Variants in PCDHGB5 observed in about 807,000 individuals in gnomAD.
The protein encoded by PCDHGB5 is protocadherin gamma subfamily B, 5, also known as protocadherin gamma-B5.
Under a neutral mutation model 62.9 loss-of-function variants are expected in PCDHGB5, and 48 were observed. The observed-to-expected ratio is 0.76, with a 90% CI of 0.61 to 0.97. PCDHGB5 has a LOEUF of 0.97. Ranked by LOEUF, PCDHGB5 falls within the 50% of genes least tolerant of loss-of-function variation. The pLI, the probability that PCDHGB5 is intolerant of heterozygous loss-of-function variation, is 0.00. For synonymous variants in PCDHGB5, 474 were observed against 511.2 expected, an observed-to-expected ratio of 0.93 and a Z score of 0.98; for missense variants, 1,118 against 1,198.6, an observed-to-expected ratio of 0.93 and a Z score of 0.99.
chr5:141,445,134 A>G lies in PCDHGB5; in HGVS notation c.2397+44610A>G, dbSNP rs900226020. ...TTGTAAATAGTATTTTTAAAATTGT[A>G]TCTTCTAATTGTTCATTTCTAGTTT... On this transcript the variant is annotated intron_variant, in intron 1 of 3. Transcript: ENST00000617380. Among the ~76,000 whole-genome samples, 174 of 152,316 alleles carry G rather than the reference A, an allele frequency of 1.1e-3. 4 individuals carry two copies. The highest frequency in any genetic ancestry group is 5.3e-4 in the Non-Finnish European group (36 of 68,016).
At chr5:141,454,047 T>C (rs896373946) in intron 1 of PCDHGB5, among the ~76,000 whole-genome samples, 6 of 152,122 alleles carry the variant, frequency 3.9e-5, no homozygotes, top group African/African-American at 7.2e-5. Flanking sequence ...AAGATAAAAG[T>C]GCAGCAAAGA....
At position 141,431,783 on chromosome 5, in the gene PCDHGB5, G is replaced by T; in HGVS notation, c.2397+31259G>T. 2 of 1,614,174 alleles carry T rather than the reference G, an allele frequency of 1.2e-6. No homozygotes were observed. Among genetic ancestry groups the T allele is most frequent in the East Asian group, 2.2e-5 (1 of 44,878 alleles). On this transcript the variant is annotated intron_variant, in intron 1 of 3. Transcript: ENST00000617380. The surrounding 1 kb of genome is among the most constrained non-coding windows in gnomAD (Gnocchi z 4.8). Reference sequence around the variant, plus strand: ...CCTGATCACTGTTCTGGACGTGAACGACAATGCCCCAGAAGTGGTCCTCAC... The same window carrying T: ...CCTGATCACTGTTCTGGACGTGAACTACAATGCCCCAGAAGTGGTCCTCAC...
chr5:141,459,579 T>G (rs1047850142), intron 1 of PCDHGB5, among the ~76,000 whole-genome samples: 2 of 152,212 alleles, frequency 1.3e-5, no homozygotes, highest in African/African-American at 4.8e-5. Context: ...AGAATTGTTT[T>G]GGGGGTCATA....
chr5:141,479,703 C>T (rs1219257838), intron 1 of PCDHGB5: 1 of 152,182 alleles, frequency 6.6e-6, no homozygotes, highest in African/African-American at 2.4e-5. Context: ...AGTGTTAGTC[C>T]CTGTCCTTCC....
Position 141,398,085 on chromosome 5 carries a change from T to C in PCDHGB5, c.-43T>C, listed in dbSNP as rs140389005. 4,220 of 1,598,288 alleles carry C rather than the reference T, an allele frequency of 2.6e-3. 81 individuals carry two copies. In the African/African-American group the frequency reaches 0.047, roughly 18 times the overall value. ...TACAATACAGAGGTTATTTGTAACCTGGCGTCTCCAGGCTGGTGAGCAAGC... is the reference window on the plus strand; with the variant it reads ...TACAATACAGAGGTTATTTGTAACCCGGCGTCTCCAGGCTGGTGAGCAAGC... On this transcript the variant is annotated 5_prime_UTR_variant, in exon 1 of 4. Coordinates refer to ENST00000617380, the MANE Select transcript of PCDHGB5 (RefSeq NM_018925.3).
At position 141,398,993 on chromosome 5, in the gene PCDHGB5, G is replaced by A. The variant is rs1438560245; in HGVS notation, c.866G>A (p.Ser289Asn). The A allele has an allele frequency of 1.2e-6, 2 of 1,613,944 alleles. No individual in the cohort carries two copies. Among genetic ancestry groups the A allele is most frequent in the Admixed American group, 1.7e-5 (1 of 60,032 alleles). Residue 289 changes from serine (S) to asparagine (N), a missense_variant, in exon 1 of 4, where the codon AGT (serine) becomes AAT (asparagine). Physicochemically the swap from Ser to Asn is conservative, Grantham distance 46. This residue lies in a region of PCDHGB5 where 1,034 missense variants were observed against 1,029.1 expected (regional missense o/e 1.00). Transcript: ENST00000617380. ...YSFYRTGQIF[S>N]LNSKSGEITT... ...TTCTACAGAACCGGGCAAATCTTTA[G>A]TCTGAATTCAAAGAGCGGAGAAATT...
chr5:141,443,216 C>T (rs758242896), intron 1 of PCDHGB5, among the ~76,000 whole-genome samples: 3 of 151,908 alleles, frequency 2.0e-5, no homozygotes, highest in South Asian at 2.1e-4. Context: ...TCTCGCCAGG[C>T]GCATCTATAA....
chr5:141,476,725 C>G lies in PCDHGB5; in HGVS notation c.2398-18082C>G. On this transcript the variant is annotated intron_variant, in intron 1 of 3. Coordinates refer to ENST00000617380, the MANE Select transcript of PCDHGB5 (RefSeq NM_018925.3). This position sits in a 1 kb window ranked among gnomAD's most constrained non-coding sequence, Gnocchi z 7.6. ...AGCTGGTGTTGGAGCGCGCCCTGGA[C>G]CGAGAACGGGAGCCTAGTCTCCAGT... The G allele has an allele frequency of 6.2e-7, 1 of 1,614,132 alleles. No homozygotes were observed. Among genetic ancestry groups the G allele is most frequent in the Non-Finnish European group, 8.5e-7 (1 of 1,180,038 alleles).
chr5:141,413,686 C>T, intron 1 of PCDHGB5: 4 of 1,613,812 alleles, frequency 2.5e-6, no homozygotes, highest in Non-Finnish European at 3.4e-6. Context: ...CGTGAACTCC[C>T]TGCAGAGCTA....
intron 1 of PCDHGB5, among the ~76,000 whole-genome samples, chr5:141,420,624 CTCAA>C (rs1561789527): frequency 1.3e-5 from 2 of 152,278 alleles, no homozygotes; most frequent in Admixed American, 1.3e-4. Context: ...TCTTCATTTA[CTCAA>C]TAAAGGAACC....
chr5:141,441,103 A>C (rs2098225469), intron 1 of PCDHGB5: 1 of 152,198 alleles, frequency 6.6e-6, no homozygotes, highest in Non-Finnish European at 1.5e-5. Flanking sequence ...AGAGGGACTC[A>C]TTGTCCAGTG....
Position 141,476,540 on chromosome 5 carries a change from T to C in PCDHGB5, c.2398-18267T>C, listed in dbSNP as rs148362631. On this transcript the variant is annotated intron_variant, in intron 1 of 3. Coordinates refer to ENST00000617380, the MANE Select transcript of PCDHGB5 (RefSeq NM_018925.3). The surrounding 1 kb of genome is among the most constrained non-coding windows in gnomAD (Gnocchi z 7.6). Reference sequence around the variant, plus strand: ...TGCTTTCCCTACCCAGGAAATGAAATTGGAGATTAGCGAGGCCGTGGCTCC... The same window carrying C: ...TGCTTTCCCTACCCAGGAAATGAAACTGGAGATTAGCGAGGCCGTGGCTCC... 9.4e-5 allele frequency: 151 copies of C among 1,614,122 alleles called. 1 individual carries two copies. In the African/African-American group the frequency reaches 1.3e-3, roughly 14 times the overall value.
intron 1 of PCDHGB5, among the ~76,000 whole-genome samples, chr5:141,451,302 G>T (rs1445994098): frequency 6.6e-6 from 1 of 152,208 alleles, no homozygotes; most frequent in Non-Finnish European, 1.5e-5. Context: ...GTCTTACAAG[G>T]CAGCAATTAA....
chr5:141,475,981 G>A, intron 1 of PCDHGB5: 1 of 1,042,940 alleles, frequency 9.6e-7, no homozygotes, highest in Non-Finnish European at 1.4e-6. Context: ...CTGAACAGCC[G>A]GCGAGCAAAT....
chr5:141,422,070 A>G (rs1202364320), intron 1 of PCDHGB5: 3 of 1,612,480 alleles, frequency 1.9e-6, no homozygotes, highest in Non-Finnish European at 2.5e-6. Context: ...TAATGTATTC[A>G]TTTCGGAACA....
In PCDHGB5 at chr5:141,480,546, G is replaced by A. The variant is rs184388425; in HGVS notation, c.2398-14261G>A. Reference sequence around the variant, plus strand: ...GACAAAGTAGAAGCACATATGAAAAGGCTAAGAAAGCATGAAAGCCAGCAA... The same window carrying A: ...GACAAAGTAGAAGCACATATGAAAAAGCTAAGAAAGCATGAAAGCCAGCAA... On this transcript the variant is annotated intron_variant, in intron 1 of 3. Coordinates refer to ENST00000617380, the MANE Select transcript of PCDHGB5 (RefSeq NM_018925.3). 4.9e-4 allele frequency among the ~76,000 whole-genome samples: 63 copies of A among 128,620 alleles called. 1 individual carries two copies. Among genetic ancestry groups the A allele is most frequent in the Middle Eastern group, 4.2e-3 (1 of 236 alleles). The allele number at this position is 128,620 out of a possible 152,430, so 84.4% of individuals were successfully genotyped here. A position where few individuals can be genotyped will look rare whatever the true frequency, so the allele number is the denominator to read the frequency against.
At chr5:141,434,691 A>G (rs1263712056) in intron 1 of PCDHGB5, among the ~76,000 whole-genome samples, 2 of 152,150 alleles carry the variant, frequency 1.3e-5, no homozygotes. Flanking sequence ...GCTTGCTGTT[A>G]ATAAATATGT....
In PCDHGB5 at chr5:141,454,796, A is replaced by ATTTTTT. The variant is rs61612330; in HGVS notation, c.2398-39987_2398-39982dup. Among the ~76,000 whole-genome samples the ATTTTTT allele has an allele frequency of 4.9e-3, 381 of 77,456 alleles. 41 individuals carry two copies. The highest frequency in any genetic ancestry group is 0.011 in the African/African-American group (178 of 16,882). 50.8% of individuals were successfully genotyped at this position (77,456 alleles called of 152,430 possible). ...AAGGAAATAATCCTCCATGGTTCTA[A>ATTTTTT]TTTTTTTTTTTTTTTTTTTTTTTTT... On this transcript the variant is annotated intron_variant, in intron 1 of 3. Coordinates refer to ENST00000617380, the MANE Select transcript of PCDHGB5 (RefSeq NM_018925.3).
intron 1 of PCDHGB5, chr5:141,433,247 G>A (rs1393219042): frequency 2.8e-6 from 4 of 1,447,840 alleles, no homozygotes; most frequent in Non-Finnish European, 3.8e-6. Context: ...AAGCTGGAAT[G>A]CAGCGGTACG....
Sources: allele counts gnomAD v4.1 joint callset (sites outside exome capture counted in the v4.1 genomes callset), GRCh38; gene constraint gnomAD v4.1.1; regional missense constraint gnomAD v4.1.1; non-coding constraint Gnocchi (gnomAD v3.1); transcripts MANE v1.5; gene names NCBI Gene and HGNC (gene_info 2026-07-23, HGNC 2026-07-21).